Variants in MAGI1 observed in about 807,000 individuals in gnomAD.
The protein encoded by MAGI1 is membrane associated guanylate kinase, WW and PDZ domain containing 1, also known as membrane-associated guanylate kinase, WW and PDZ domain-containing protein 1.
In MAGI1, 58 loss-of-function variants were observed where a neutral mutation model predicts 139.9. The ratio of observed to expected loss-of-function variants is 0.41; its 90% CI spans 0.34 to 0.52. MAGI1 has a LOEUF of 0.52. MAGI1 is among the 20% of genes least tolerant of loss of function. The pLI, the probability that MAGI1 is intolerant of heterozygous loss-of-function variation, is 0.12. For synonymous variants in MAGI1, 812 were observed against 737.9 expected, an observed-to-expected ratio of 1.10 and a Z score of -1.63; for missense variants, 1,874 against 1,901.6, an observed-to-expected ratio of 0.99 and a Z score of 0.27.
intron 1 of MAGI1, among the ~76,000 whole-genome samples, chr3:65,917,696 A>G (rs1369789127): frequency 6.6e-6 from 1 of 152,224 alleles, no homozygotes; most frequent in African/African-American, 2.4e-5. Flanking sequence ...TGAAACGGCT[A>G]CATACTATAT....
chr3:65,752,189 C>T (rs1410065368), intron 1 of MAGI1, among the ~76,000 whole-genome samples: 1 of 152,104 alleles, frequency 6.6e-6, no homozygotes, highest in Non-Finnish European at 1.5e-5. Context: ...ACTCAAGCAA[C>T]GTGCCCTCCT....
chr3:65,894,904 T>C (rs966886175), intron 1 of MAGI1, among the ~76,000 whole-genome samples: 1 of 152,234 alleles, frequency 6.6e-6, no homozygotes, highest in African/African-American at 2.4e-5. Context: ...TTCACTGCCT[T>C]ATGAAAATGT....
At chr3:65,797,061 T>C (rs2040193945) in intron 1 of MAGI1, among the ~76,000 whole-genome samples, 1 of 152,208 alleles carries the variant, frequency 6.6e-6, no homozygotes, top group Non-Finnish European at 1.5e-5. Flanking sequence ...ACCTTAGCTA[T>C]GCCGCATGAG....
chr3:65,781,426 T>C (rs985821904), intron 1 of MAGI1, among the ~76,000 whole-genome samples: 27 of 152,104 alleles, frequency 1.8e-4, no homozygotes, highest in Non-Finnish European at 1.3e-4. Flanking sequence ...AGGAAATGGA[T>C]AGATTTTTTT....
At chr3:65,526,816 T>C (rs999086833) in intron 2 of MAGI1, among the ~76,000 whole-genome samples, 2 of 152,150 alleles carry the variant, frequency 1.3e-5, no homozygotes, top group African/African-American at 4.8e-5. Context: ...CCTACAATCC[T>C]CTAATAGTTA....
chr3:65,983,810 T>C (rs2065722087), intron 1 of MAGI1, among the ~76,000 whole-genome samples: 1 of 152,180 alleles, frequency 6.6e-6, no homozygotes, highest in Non-Finnish European at 1.5e-5. Context: ...TGTTTCAGTT[T>C]TTTATATTTG....
intron 1 of MAGI1, among the ~76,000 whole-genome samples, chr3:66,025,781 G>A (rs2068226843): frequency 6.6e-6 from 1 of 151,882 alleles, no homozygotes; most frequent in East Asian, 1.9e-4. Flanking sequence ...TGGGATTACG[G>A]GCAATTCGGA....
chr3:65,925,922 C>T (rs1000251198), intron 1 of MAGI1, among the ~76,000 whole-genome samples: 1 of 152,198 alleles, frequency 6.6e-6, no homozygotes, highest in Non-Finnish European at 1.5e-5. Context: ...AAGCGATCCA[C>T]CTGCCTCAGC....
At chr3:66,016,477 G>A (rs548504902) in intron 1 of MAGI1, among the ~76,000 whole-genome samples, 4 of 152,278 alleles carry the variant, frequency 2.6e-5, no homozygotes, top group African/African-American at 4.8e-5. Context: ...TGGCGGGACC[G>A]AAGAACAGCT....
chr3:65,473,093 C>T (rs1011004351), intron 4 of MAGI1, among the ~76,000 whole-genome samples: 5 of 151,984 alleles, frequency 3.3e-5, no homozygotes, highest in African/African-American at 1.2e-4. Context: ...ATGGATAAGG[C>T]GCTTAGAATA....
rs920633688 is a variant in MAGI1, at chr3:65,409,842, G to A, written c.2168-8372C>T. Reference sequence around the variant, plus strand: ...TTAGAGAGATAGTTGGACTTCAGATGTCTGAAATAAGTAGCTCCCAAGGCA... The same window carrying A: ...TTAGAGAGATAGTTGGACTTCAGATATCTGAAATAAGTAGCTCCCAAGGCA... On this transcript the variant is annotated intron_variant, in intron 12 of 22. Coordinates refer to ENST00000402939, the MANE Select transcript of MAGI1 (RefSeq NM_001033057.2). Among the ~76,000 whole-genome samples the A allele has an allele frequency of 2.0e-5, 3 of 152,202 alleles. No individual in the cohort carries two copies. In the East Asian group the frequency reaches 5.8e-4, roughly 29 times the overall value.
intron 1 of MAGI1, among the ~76,000 whole-genome samples, chr3:65,958,870 C>G (rs1339934456): frequency 6.6e-6 from 1 of 152,064 alleles, no homozygotes; most frequent in Non-Finnish European, 1.5e-5. Context: ...GCCTGTAATC[C>G]CAGCTCCTGG....
intron 2 of MAGI1, among the ~76,000 whole-genome samples, chr3:65,538,097 T>A (rs1214201197): frequency 6.6e-6 from 1 of 152,156 alleles, no homozygotes; most frequent in African/African-American, 2.4e-5. Context: ...ATCACACCAA[T>A]GCACTCCAGC....
chr3:65,403,440 C>CT (rs912756777), intron 12 of MAGI1, among the ~76,000 whole-genome samples: 2 of 151,940 alleles, frequency 1.3e-5, no homozygotes, highest in South Asian at 4.2e-4. Context: ...CGATTAAGTG[C>CT]TTTTTTTGGC....
chr3:65,625,497 C>A (rs953536208), intron 1 of MAGI1, among the ~76,000 whole-genome samples: 1 of 152,140 alleles, frequency 6.6e-6, no homozygotes, highest in East Asian at 1.9e-4. Context: ...AGGGCTTAAT[C>A]TCTGAACCTT....
In MAGI1 at chr3:65,356,372, A is replaced by T; in HGVS notation, c.*6T>A. The T allele has an allele frequency of 6.4e-7, 1 of 1,566,300 alleles. No homozygotes were observed. The highest frequency in any genetic ancestry group is 1.4e-5 in the African/African-American group (1 of 72,910). The stretch of plus-strand genomic sequence containing the variant: ...CACGGTAAAGGTTGGAATGTGACTC[A>T]GCGTCTCAGATACTGAGGTCGGTGC... On this transcript the variant is annotated 3_prime_UTR_variant, in exon 23 of 23. Transcript: ENST00000402939.
At chr3:65,822,666 G>A (rs1042168599) in intron 1 of MAGI1, among the ~76,000 whole-genome samples, 1 of 152,202 alleles carries the variant, frequency 6.6e-6, no homozygotes, top group Non-Finnish European at 1.5e-5. Context: ...TGGGCTTCTG[G>A]GGAGGCCTCA....
At chr3:65,360,784 C>CA in intron 22 of MAGI1, 6 of 1,018,626 alleles carry the variant, frequency 5.9e-6, no homozygotes, top group Non-Finnish European at 7.1e-6. Context: ...ACCAAGTAAC[C>CA]AAAAAGGAAA....
chr3:65,650,951 A>G (rs1463804875), intron 1 of MAGI1, among the ~76,000 whole-genome samples: 1 of 152,206 alleles, frequency 6.6e-6, no homozygotes, highest in Non-Finnish European at 1.5e-5. Context: ...TGAAAAATGC[A>G]TATTTTTAGT....
Sources: allele counts gnomAD v4.1 joint callset (sites outside exome capture counted in the v4.1 genomes callset), GRCh38; gene constraint gnomAD v4.1.1; transcripts MANE v1.5; gene names NCBI Gene and HGNC (gene_info 2026-07-23, HGNC 2026-07-21).